Variants in EPB41L4B observed in about 807,000 individuals in gnomAD.
EPB41L4B encodes the protein erythrocyte membrane protein band 4.1 like 4B, also known as band 4.1-like protein 4B.
Under a neutral mutation model 112.5 loss-of-function variants are expected in EPB41L4B, and 30 were observed. That is an observed-to-expected ratio of 0.27 (90% CI 0.20 to 0.36). EPB41L4B has a LOEUF of 0.36. Ranked by LOEUF, EPB41L4B falls within the 10% of genes least tolerant of loss-of-function variation. The pLI is 1.00. For missense variants in EPB41L4B, 1,024 were observed against 1,133.3 expected (o/e 0.90, Z 1.38); for synonymous variants, 408 against 439.7 (o/e 0.93, Z 0.90).
At chr9:109,239,700 G>T in intron 15 of EPB41L4B, 1 of 391,578 alleles carries the variant, frequency 2.6e-6, no homozygotes, top group Non-Finnish European at 3.5e-6. Context: ...GAGGCTTCTT[G>T]GTTGCAGACA....
At position 109,227,254 on chromosome 9, in the gene EPB41L4B, ATT is replaced by A; in HGVS notation, c.1410-10111_1410-10110del. On this transcript the variant is annotated intron_variant, in intron 15 of 25. Transcript: ENST00000374566. ...TAAATCTTATTCCCTTTCTCACATC[ATT>A]CTTTTTCTTTTTTTTCTTAGCTGTT... 1.3e-5 allele frequency among the ~76,000 whole-genome samples: 2 copies of A among 152,042 alleles called. 1 individual carries two copies. Among genetic ancestry groups the A allele is most frequent in the East Asian group, 3.9e-4 (2 of 5,174 alleles).
intron 19 of EPB41L4B, among the ~76,000 whole-genome samples, chr9:109,202,588 G>A (rs1393966480): frequency 6.6e-6 from 1 of 152,182 alleles, no homozygotes; most frequent in Non-Finnish European, 1.5e-5. Flanking sequence ...AAACCACCAG[G>A]TGGCAATGAG....
chr9:109,232,233 C>T (rs1313156594), intron 15 of EPB41L4B, among the ~76,000 whole-genome samples: 3 of 152,074 alleles, frequency 2.0e-5, no homozygotes, highest in Non-Finnish European at 4.4e-5. Context: ...CTCAAATGAT[C>T]TGCCCACCTT....
At chr9:109,247,690 CT>C (rs1480682013) in intron 14 of EPB41L4B, 65 bp downstream of exon 14, 7 of 1,182,104 alleles carry the variant, frequency 5.9e-6, no homozygotes, top group Non-Finnish European at 6.8e-6. Context: ...TTACAAAAAC[CT>C]TTTTTTAAAT....
intron 1 of EPB41L4B, among the ~76,000 whole-genome samples, chr9:109,303,797 C>T (rs555601530): frequency 3.4e-4 from 52 of 152,176 alleles, no homozygotes; most frequent in African/African-American, 1.2e-3. Flanking sequence ...TGAACCACCA[C>T]ACCCAGCCTT....
chr9:109,245,262 A>G (rs1227877562), intron 14 of EPB41L4B, among the ~76,000 whole-genome samples: 1 of 152,214 alleles, frequency 6.6e-6, no homozygotes, highest in Non-Finnish European at 1.5e-5. Flanking sequence ...CTGTTCAACA[A>G]TAGAGAAAGG....
In EPB41L4B at chr9:109,228,526, C is replaced by A. The variant is rs140183643; in HGVS notation, c.1410-11381G>T. On this transcript the variant is annotated intron_variant, in intron 15 of 25. Transcript: ENST00000374566. Reference sequence around the variant, plus strand: ...CTAAAGACTTGAGCTAATCAAAAAGCAGTAAAATATTTCCTGACTACTCTT... The same window carrying A: ...CTAAAGACTTGAGCTAATCAAAAAGAAGTAAAATATTTCCTGACTACTCTT... Among the ~76,000 whole-genome samples, 774 of 152,284 alleles carry A rather than the reference C, an allele frequency of 5.1e-3. 5 individuals carry two copies. Among genetic ancestry groups the A allele is most frequent in the African/African-American group, 0.018 (737 of 41,550 alleles).
chr9:109,176,776 C>T, intron 24 of EPB41L4B, 80 bp from the exon 25 acceptor site: 1 of 1,496,268 alleles, frequency 6.7e-7, no homozygotes, highest in Non-Finnish European at 9.2e-7. Flanking sequence ...CTAAGCCTTA[C>T]TCTACAGTTC....
intron 21 of EPB41L4B, among the ~76,000 whole-genome samples, chr9:109,193,879 A>G (rs1353297205): frequency 2.6e-5 from 4 of 152,188 alleles, no homozygotes; most frequent in African/African-American, 4.8e-5. Flanking sequence ...ACTGTTCACT[A>G]TGGTTGGGGG....
chr9:109,304,815 A>G (rs1321748857), intron 1 of EPB41L4B, among the ~76,000 whole-genome samples: 2 of 152,176 alleles, frequency 1.3e-5, no homozygotes, highest in Non-Finnish European at 2.9e-5. Context: ...GATTCTATTT[A>G]TATGAAATAC....
intron 15 of EPB41L4B, among the ~76,000 whole-genome samples, chr9:109,225,359 C>A (rs763782227): frequency 6.6e-6 from 1 of 152,160 alleles, no homozygotes; most frequent in Non-Finnish European, 1.5e-5. Flanking sequence ...AAGACATACC[C>A]GAGACTGGGC....
intron 2 of EPB41L4B, among the ~76,000 whole-genome samples, chr9:109,276,785 C>A (rs1287958698): frequency 6.6e-6 from 1 of 152,166 alleles, no homozygotes; most frequent in African/African-American, 2.4e-5. Context: ...ATCTGAGTGG[C>A]TAATGAGGGG....
intron 15 of EPB41L4B, among the ~76,000 whole-genome samples, chr9:109,224,658 T>TA (rs922513333): frequency 6.6e-6 from 1 of 152,166 alleles, no homozygotes; most frequent in Non-Finnish European, 1.5e-5. Context: ...GTGAAAATAC[T>TA]AAAAAACATT....
At chr9:109,208,086 C>T in intron 17 of EPB41L4B, 37 bp from the exon 18 acceptor site, 1 of 1,612,398 alleles carries the variant, frequency 6.2e-7, no homozygotes, top group Non-Finnish European at 8.5e-7. Flanking sequence ...AGATTGTAAA[C>T]AAAGAGAGAA....
intron 15 of EPB41L4B, among the ~76,000 whole-genome samples, chr9:109,229,232 T>C (rs1833877020): frequency 6.6e-6 from 1 of 152,216 alleles, no homozygotes; most frequent in Non-Finnish European, 1.5e-5. Context: ...TCTTCCTTGC[T>C]GAACAGAATT....
At chr9:109,304,665 T>C (rs143242925) in intron 1 of EPB41L4B, among the ~76,000 whole-genome samples, 1,646 of 152,152 alleles carry the variant, frequency 0.011, 35 homozygotes, top group African/African-American at 0.037. Context: ...AGGATACCAA[T>C]AGGAACTGCC....
At chr9:109,175,256 A>T (rs527380870) in intron 25 of EPB41L4B, among the ~76,000 whole-genome samples, 2 of 152,136 alleles carry the variant, frequency 1.3e-5, no homozygotes, top group African/African-American at 2.4e-5. Flanking sequence ...CAGGGGTTAG[A>T]TTTATTTAAA....
chr9:109,191,713 G>GC (rs1554742190), intron 22 of EPB41L4B, among the ~76,000 whole-genome samples: 1 of 149,436 alleles, frequency 6.7e-6, no homozygotes, highest in Non-Finnish European at 1.5e-5. Context: ...AAGCCACCAT[G>GC]TTTTTTTTTT....
At position 109,252,851 on chromosome 9, in the gene EPB41L4B, C is replaced by CT. The variant is rs1834843052; in HGVS notation, c.1279+589dup. ...TGAGCCTGGCTTGCTCATTCACTGA[C>CT]TGAGTTGTACTGTGTTCCGGGCCTC... On this transcript the variant is annotated intron_variant, in intron 12 of 25. Coordinates refer to ENST00000374566, the MANE Select transcript of EPB41L4B (RefSeq NM_019114.5). Among the ~76,000 whole-genome samples the CT allele has an allele frequency of 2.0e-5, 3 of 152,224 alleles. No homozygotes were observed. In the South Asian group the frequency reaches 6.2e-4, roughly 32 times the overall value.
Sources: gnomAD v4.1 joint callset for allele counts (sites outside exome capture counted in the v4.1 genomes callset) on GRCh38, gnomAD v4.1.1 for gene constraint, MANE v1.5 for transcripts, NCBI Gene and HGNC (gene_info 2026-07-23, HGNC 2026-07-21) for gene names.